The following CD1B variants were observed in gnomAD, a reference collection of about 807,000 sequenced individuals.
The protein encoded by CD1B is CD1b molecule, also known as T-cell surface glycoprotein CD1b.
Under a neutral mutation model 39.8 loss-of-function variants are expected in CD1B, and 43 were observed. The ratio of observed to expected loss-of-function variants is 1.08; its 90% CI spans 0.85 to 1.39. The LOEUF is 1.39. CD1B is among the 40% of genes most tolerant of loss of function. CD1B has a pLI of 0.00. For missense variants in CD1B, 495 were observed against 403.8 expected (o/e 1.23, Z -1.94); for synonymous variants, 192 against 152.5 (o/e 1.26, Z -1.91).
the CD1B span, among the ~76,000 whole-genome samples, chr1:158,297,531 C>A: frequency 6.6e-6 from 1 of 152,128 alleles, no homozygotes; most frequent in African/African-American, 2.4e-5. Context: ...AGGAACTACA[C>A]AATTAAGTCT....
At chr1:158,291,191 C>T in the CD1B span, 1 of 1,613,860 alleles carries the variant, frequency 6.2e-7, no homozygotes, top group Non-Finnish European at 8.5e-7. Flanking sequence ...GTCAACCAAT[C>T]CTGGGCACGA....
chr1:158,291,088 C>CTTT, the CD1B span: 6 of 1,267,702 alleles, frequency 4.7e-6, no homozygotes, highest in African/African-American at 1.5e-5. Context: ...CCTTGCCTCT[C>CTTT]TTTTTTTTTT....
At chr1:158,286,129 A>G in the CD1B span, among the ~76,000 whole-genome samples, 1 of 152,108 alleles carries the variant, frequency 6.6e-6, no homozygotes, top group Non-Finnish European at 1.5e-5. Context: ...GGTCTGAGCA[A>G]AAGGACAAGA....
chr1:158,316,565 A>C, the CD1B span, among the ~76,000 whole-genome samples: 7 of 151,712 alleles, frequency 4.6e-5, no homozygotes, highest in African/African-American at 1.7e-4. Context: ...GGGCTGAGAC[A>C]ATGGGGTTTT....
downstream of CD1B, among the ~76,000 whole-genome samples, chr1:158,326,583 G>T (rs1652360622): frequency 1.3e-5 from 2 of 151,940 alleles, no homozygotes; most frequent in Non-Finnish European, 2.9e-5. Context: ...ATGATATTAA[G>T]AAATCTTTTA....
the CD1B span, among the ~76,000 whole-genome samples, chr1:158,320,366 C>T: frequency 2.0e-4 from 31 of 152,284 alleles, no homozygotes; most frequent in Admixed American, 3.9e-4. Context: ...CATGGTGTGC[C>T]GTTTTTTAAG....
the CD1B span, among the ~76,000 whole-genome samples, chr1:158,321,026 G>T: frequency 2.0e-5 from 3 of 152,080 alleles, no homozygotes; most frequent in African/African-American, 4.8e-5. Context: ...AGGTTCATTT[G>T]GTCAGGAGTT....
chr1:158,295,185 A>G, the CD1B span, among the ~76,000 whole-genome samples: 1 of 152,120 alleles, frequency 6.6e-6, no homozygotes, highest in Non-Finnish European at 1.5e-5. Context: ...TTCTCCCACC[A>G]AGAGACAAGA....
the CD1B span, among the ~76,000 whole-genome samples, chr1:158,297,650 A>G: frequency 6.6e-6 from 1 of 152,172 alleles, no homozygotes; most frequent in Admixed American, 6.5e-5. Context: ...CAAGTTGAAT[A>G]AAGAAACAAG....
At chr1:158,317,248 T>G in the CD1B span, among the ~76,000 whole-genome samples, 2 of 152,052 alleles carry the variant, frequency 1.3e-5, no homozygotes, top group Admixed American at 1.3e-4. Flanking sequence ...TACCAGTTCC[T>G]CCTTGTACCT....
chr1:158,304,121 G>A, the CD1B span, among the ~76,000 whole-genome samples: 20 of 152,214 alleles, frequency 1.3e-4, no homozygotes, highest in South Asian at 2.3e-3. Flanking sequence ...TTCACCCAGC[G>A]AGAGCCAAAG....
At chr1:158,309,684 A>T in the CD1B span, among the ~76,000 whole-genome samples, 1 of 152,120 alleles carries the variant, frequency 6.6e-6, no homozygotes, top group Non-Finnish European at 1.5e-5. Context: ...CTTTGTAGGG[A>T]CATGGATGAA....
the CD1B span, among the ~76,000 whole-genome samples, chr1:158,300,533 C>G: frequency 2.8e-4 from 42 of 152,130 alleles, no homozygotes; most frequent in African/African-American, 9.2e-4. Flanking sequence ...CCTGGATATC[C>G]TTGTTAACCT....
chr1:158,323,560 T>G (rs1652257700), downstream of CD1B, among the ~76,000 whole-genome samples: 1 of 152,202 alleles, frequency 6.6e-6, no homozygotes, highest in African/African-American at 2.4e-5. Flanking sequence ...GTATGTACAT[T>G]GATGTATTTG....
chr1:158,327,475 A>G (rs762138042), downstream of CD1B, among the ~76,000 whole-genome samples: 1 of 152,194 alleles, frequency 6.6e-6, no homozygotes, highest in Non-Finnish European at 1.5e-5. Context: ...AGAATCTACA[A>G]TATCAACTAA....
At chr1:158,300,058 T>C in the CD1B span, among the ~76,000 whole-genome samples, 4 of 152,320 alleles carry the variant, frequency 2.6e-5, no homozygotes, top group African/African-American at 9.6e-5. Context: ...CTTGCTTCTC[T>C]AGTTCTTTTA....
At chr1:158,322,874 T>A in the CD1B span, among the ~76,000 whole-genome samples, 5 of 152,364 alleles carry the variant, frequency 3.3e-5, no homozygotes, top group African/African-American at 1.2e-4. Flanking sequence ...GCCAGGCATA[T>A]CAACATTCCC....
the CD1B span, among the ~76,000 whole-genome samples, chr1:158,288,564 T>A: frequency 2.6e-5 from 4 of 152,130 alleles, no homozygotes; most frequent in Admixed American, 6.5e-5. Flanking sequence ...GCCAACTTTT[T>A]AATTTTTTTA....
the CD1B span, among the ~76,000 whole-genome samples, chr1:158,320,908 C>A: frequency 1.3e-5 from 2 of 152,006 alleles, no homozygotes; most frequent in African/African-American, 4.8e-5. Flanking sequence ...TATGTTAAGA[C>A]TTTTATTGCA....
Sources: allele counts gnomAD v4.1 joint callset (sites outside exome capture counted in the v4.1 genomes callset), GRCh38; gene constraint gnomAD v4.1.1; transcripts MANE v1.5; gene names NCBI Gene and HGNC (gene_info 2026-07-23, HGNC 2026-07-21).